GSPT1: variants seen among roughly 807,000 people sequenced by gnomAD.
GSPT1 encodes eukaryotic peptide chain release factor GTP-binding subunit ERF3A.
A neutral mutation model predicts 72.5 loss-of-function variants in GSPT1; 20 were observed. That is an observed-to-expected ratio of 0.28 (90% CI 0.19 to 0.40). The LOEUF (loss-of-function observed/expected upper bound fraction) is 0.40, where lower values mean the gene tolerates loss of function less well. Ranked by LOEUF, GSPT1 falls within the 10% of genes least tolerant of loss-of-function variation. The pLI is 1.00. For synonymous variants in GSPT1, 334 were observed against 293.5 expected (o/e 1.14, Z -1.41); for missense variants, 580 against 811.9 (o/e 0.71, Z 3.47).
chr16:11,894,578 T>C (rs548324652), intron 5 of GSPT1, among the ~76,000 whole-genome samples: 2 of 152,226 alleles, frequency 1.3e-5, no homozygotes, highest in South Asian at 4.1e-4. Context: ...TCATTTTTTA[T>C]TTTTAAAAAA....
At chr16:11,901,905 G>A (rs2054411989) in intron 1 of GSPT1, among the ~76,000 whole-genome samples, 5 of 152,012 alleles carry the variant, frequency 3.3e-5, no homozygotes, top group African/African-American at 7.2e-5. Flanking sequence ...AGACCAGTCT[G>A]ACTAATATGA....
At chr16:11,885,363 T>C in intron 9 of GSPT1, 89 bp from the exon 10 acceptor site, 2 of 690,430 alleles carry the variant, frequency 2.9e-6, no homozygotes, top group Non-Finnish European at 5.3e-6. Context: ...TCTAATAATA[T>C]TTTCATTCTA....
chr16:11,878,221 T>C (rs543090026), intron 11 of GSPT1, among the ~76,000 whole-genome samples: 2 of 152,278 alleles, frequency 1.3e-5, no homozygotes, highest in East Asian at 3.9e-4. Context: ...GTTCAAGCCA[T>C]TCTCCTGCCT....
chr16:11,913,519 A>T (rs993750644), intron 1 of GSPT1, among the ~76,000 whole-genome samples: 1 of 152,232 alleles, frequency 6.6e-6, no homozygotes, highest in African/African-American at 2.4e-5. Flanking sequence ...GAAAGCCCGC[A>T]TAAGAGGTAA....
At chr16:11,897,112 C>T (rs573080237) in intron 3 of GSPT1, among the ~76,000 whole-genome samples, 1 of 152,174 alleles carries the variant, frequency 6.6e-6, no homozygotes, top group East Asian at 1.9e-4. Flanking sequence ...TTGAGACACC[C>T]TGATAGTAAG....
At chr16:11,907,700 C>T (rs2054506415) in intron 1 of GSPT1, among the ~76,000 whole-genome samples, 1 of 152,120 alleles carries the variant, frequency 6.6e-6, no homozygotes, top group Non-Finnish European at 1.5e-5. Flanking sequence ...GTGTCATTAA[C>T]TCTGTGAGTG....
At chr16:11,904,177 C>G (rs2054455053) in intron 1 of GSPT1, 2 of 196,652 alleles carry the variant, frequency 1.0e-5, no homozygotes, top group Non-Finnish European at 2.4e-5. Context: ...ACCTCAACAC[C>G]AACATCATTC....
At chr16:11,889,326 C>CTTATTTTTTTTTTTT (rs2054224972) in intron 6 of GSPT1, among the ~76,000 whole-genome samples, 1 of 95,754 alleles carries the variant, frequency 1.0e-5, no homozygotes. Context: ...CACCCCTCTT[C>CTTATTTTTTTTTTTT]TTCTTTTTTT....
At chr16:11,898,436 T>C (rs925972726) in intron 1 of GSPT1, among the ~76,000 whole-genome samples, 1 of 147,076 alleles carries the variant, frequency 6.8e-6, no homozygotes, top group Non-Finnish European at 1.5e-5. Flanking sequence ...AAGCTGTGAT[T>C]AGCCCTTTTT....
intron 14 of GSPT1, among the ~76,000 whole-genome samples, chr16:11,873,850 A>G (rs923080464): frequency 1.3e-5 from 2 of 152,210 alleles, no homozygotes; most frequent in African/African-American, 4.8e-5. Context: ...CGGCCTCCCA[A>G]AGTGCTGGGA....
rs148868779 is a variant in GSPT1, at chr16:11,874,420, T to C, written c.1862-1249A>G. Among the ~76,000 whole-genome samples, 20 of 149,340 alleles carry C rather than the reference T, an allele frequency of 1.3e-4. No homozygotes were observed. In the East Asian group the frequency reaches 2.8e-3, roughly 21 times the overall value. ...GTGGACTGAAAGGATACAAAACCCATTGGGTCTTGTGGAAAACCTAAAAGC... is the reference window on the plus strand; with the variant it reads ...GTGGACTGAAAGGATACAAAACCCACTGGGTCTTGTGGAAAACCTAAAAGC... On this transcript the variant is annotated intron_variant, in intron 14 of 14. Coordinates refer to ENST00000434724, the MANE Select transcript of GSPT1 (RefSeq NM_002094.4).
At chr16:11,873,793 T>C (rs464298) in intron 14 of GSPT1, among the ~76,000 whole-genome samples, 6,893 of 152,246 alleles carry the variant, frequency 0.045, 228 homozygotes, top group South Asian at 0.16. Flanking sequence ...TTCACCATGT[T>C]GGCCAGGCTG....
At chr16:11,902,826 A>C (rs750982737) in intron 1 of GSPT1, among the ~76,000 whole-genome samples, 1 of 151,886 alleles carries the variant, frequency 6.6e-6, no homozygotes, top group Non-Finnish European at 1.5e-5. Context: ...ACCTCATGTG[A>C]TCTGCCTGCC....
At chr16:11,892,259 C>T (rs561409490) in intron 5 of GSPT1, among the ~76,000 whole-genome samples, 74 of 151,028 alleles carry the variant, frequency 4.9e-4, no homozygotes, top group Admixed American at 2.2e-3. Flanking sequence ...GAGAGGATCA[C>T]CTGAGCCCAG....
intron 5 of GSPT1, among the ~76,000 whole-genome samples, chr16:11,892,519 A>AATAATAAT (rs1473554249): frequency 6.3e-5 from 9 of 142,696 alleles, no homozygotes; most frequent in African/African-American, 1.7e-4. Context: ...AAAAACAAAA[A>AATAATAAT]AAACAAAAAA....
intron 14 of GSPT1, among the ~76,000 whole-genome samples, 179 bp from the exon 15 acceptor site, chr16:11,873,350 T>G (rs924177395): frequency 6.6e-6 from 1 of 152,068 alleles, no homozygotes; most frequent in Non-Finnish European, 1.5e-5. Context: ...GGGTCTTATT[T>G]GGGGGGGCTG....
At chr16:11,890,885 G>A (rs536298208) in intron 6 of GSPT1, 177 bp downstream of exon 6, 24 of 442,622 alleles carry the variant, frequency 5.4e-5, no homozygotes, top group African/African-American at 4.5e-4. Flanking sequence ...ATTTCTCTGT[G>A]TAAGTTATTA....
intron 7 of GSPT1, among the ~76,000 whole-genome samples, chr16:11,887,137 CT>C (rs930907855): frequency 6.2e-4 from 93 of 150,858 alleles, no homozygotes; most frequent in African/African-American, 2.2e-3. Flanking sequence ...TTCCCAAAAT[CT>C]AGTATACCTG....
intron 5 of GSPT1, among the ~76,000 whole-genome samples, chr16:11,893,406 T>C (rs1406677024): frequency 6.6e-6 from 1 of 152,038 alleles, no homozygotes; most frequent in Non-Finnish European, 1.5e-5. Context: ...ATTACAGATA[T>C]GAGCCACCAT....
Sources: allele counts gnomAD v4.1 joint callset (sites outside exome capture counted in the v4.1 genomes callset), GRCh38; gene constraint gnomAD v4.1.1; transcripts MANE v1.5; gene names NCBI Gene and HGNC (gene_info 2026-07-23, HGNC 2026-07-21).